STAT1: variants seen among roughly 807,000 people sequenced by gnomAD.
STAT1 encodes the protein signal transducer and activator of transcription 1-alpha/beta.
A neutral mutation model predicts 111.7 loss-of-function variants in STAT1; 24 were observed. The ratio of observed to expected loss-of-function variants is 0.21; its 90% CI spans 0.16 to 0.30. The LOEUF is 0.30. Ranked by LOEUF, STAT1 falls within the 10% of genes least tolerant of loss-of-function variation. The pLI is 1.00. For synonymous variants in STAT1, 332 were observed against 326.5 expected (o/e 1.02, Z -0.18); for missense variants, 351 against 911.9 (o/e 0.38, Z 7.92).
Position 191,000,008 on chromosome 2 carries a change from G to C in STAT1, c.463-304C>G, listed in dbSNP as rs1694148672. 6.6e-6 allele frequency among the ~76,000 whole-genome samples: 1 copy of C among 152,214 alleles called. No individual in the cohort carries two copies. Among genetic ancestry groups the C allele is most frequent in the South Asian group, 2.1e-4 (1 of 4,834 alleles). Reference sequence around the variant, plus strand: ...TCATCATTTTTGAGACTACCTCTGAGATATGATTTAAGAACTCCACTGTGA... The same window carrying C: ...TCATCATTTTTGAGACTACCTCTGACATATGATTTAAGAACTCCACTGTGA... On this transcript the variant is annotated intron_variant, in intron 6 of 24. Transcript: ENST00000361099. The surrounding 1 kb of genome is among the most constrained non-coding windows in gnomAD (Gnocchi z 4.8).
At position 190,993,084 on chromosome 2, in the gene STAT1, C is replaced by T. The variant is rs534662179; in HGVS notation, c.945-1764G>A. 50 of 376,298 alleles carry T rather than the reference C, an allele frequency of 1.3e-4. No individual in the cohort carries two copies. Among genetic ancestry groups the T allele is most frequent in the African/African-American group, 1.0e-3 (47 of 47,042 alleles). The allele number at this position is 376,298 out of a possible 1,614,324, so 23.3% of individuals were successfully genotyped here. A position where few individuals can be genotyped will look rare whatever the true frequency, so the allele number is the denominator to read the frequency against. ...GGATTACAGGCATGAGCCACCGTGC[C>T]GGGCCTTGTTGCATTCCTAGCACTA... is the stretch of plus-strand genomic sequence containing the variant. On this transcript the variant is annotated intron_variant, in intron 10 of 24. Coordinates refer to ENST00000361099, the MANE Select transcript of STAT1 (RefSeq NM_007315.4). The surrounding 1 kb of genome is among the most constrained non-coding windows in gnomAD (Gnocchi z 4.1).
intron 5 of STAT1, among the ~76,000 whole-genome samples, chr2:191,002,435 T>G (rs1375155977): frequency 2.0e-5 from 3 of 152,222 alleles, no homozygotes; most frequent in African/African-American, 7.2e-5. Context: ...ATAGTCTGTC[T>G]AGTAGGGCCA....
intron 15 of STAT1, among the ~76,000 whole-genome samples, chr2:190,985,061 G>A (rs893328657): frequency 8.5e-5 from 13 of 152,218 alleles, no homozygotes; most frequent in African/African-American, 2.9e-4. Context: ...CACTGTGTGT[G>A]CATAAATGAC....
rs1691936008 is a variant in STAT1 at position 190,976,761 on chromosome 2, A to G, written c.2059+79T>C. 1.6e-6 allele frequency: 2 copies of G among 1,278,888 alleles called. No individual in the cohort carries two copies. Among genetic ancestry groups the G allele is most frequent in the African/African-American group, 1.5e-5 (1 of 68,248 alleles). The allele number at this position is 1,278,888 out of a possible 1,614,324, so 79.2% of individuals were successfully genotyped here. On this transcript the variant is annotated intron_variant, in intron 22 of 24. Transcript: ENST00000361099. The surrounding 1 kb of genome is among the most constrained non-coding windows in gnomAD (Gnocchi z 6.0). ...TACCAATTCGAAAGCAAAACACTGC[A>G]TGGGTGGAGTTTCAGAATAATCACC...
Position 190,982,399 on chromosome 2 carries a change from C to T in STAT1, c.1566G>A (p.Leu522=). 1 of 1,614,156 alleles carries T rather than the reference C, an allele frequency of 6.2e-7. No individual in the cohort carries two copies. Among genetic ancestry groups the T allele is most frequent in the Non-Finnish European group, 8.5e-7 (1 of 1,180,016 alleles). Residue 522 remains leucine (L), a synonymous_variant, in exon 18 of 25, where the codon TTG becomes TTA. Transcript: ENST00000361099. This position sits in a 1 kb window ranked among gnomAD's most constrained non-coding sequence, Gnocchi z 7.3. ...RGLNVDQLNM[L]GEKLLGPNAS... ...TGCATATACCAAGAAGCTTCTCTCC[C>T]AACATGTTCAGCTGGTCCACATTGA...
Position 190,979,985 on chromosome 2 carries a change from A to G in STAT1, c.1633-119T>C. On this transcript the variant is annotated intron_variant, in intron 19 of 24. Coordinates refer to ENST00000361099, the MANE Select transcript of STAT1 (RefSeq NM_007315.4). The surrounding 1 kb of genome is among the most constrained non-coding windows in gnomAD (Gnocchi z 5.8). ...TGCCAAGGATGGAACTGTCCCATTC[A>G]GCACAGCAATGGGATCCCTCCCCTG... 1.4e-6 allele frequency: 1 copy of G among 721,604 alleles called. No individual in the cohort carries two copies. The highest frequency in any genetic ancestry group is 2.5e-6 in the Non-Finnish European group (1 of 405,570). The allele number at this position is 721,604 out of a possible 1,614,324, so 44.7% of individuals were successfully genotyped here.
At chr2:190,985,488 C>T in intron 15 of STAT1, 131 bp downstream of exon 15, 1 of 881,356 alleles carries the variant, frequency 1.1e-6, no homozygotes. Flanking sequence ...TACCAAATAC[C>T]CAGCTCCTTT....
rs183509101 is a variant in STAT1, at chr2:190,977,964, C to G, written c.1873+892G>C. Among the ~76,000 whole-genome samples, 30 of 150,500 alleles carry G rather than the reference C, an allele frequency of 2.0e-4. No individual in the cohort carries two copies. Among genetic ancestry groups the G allele is most frequent in the African/African-American group, 7.3e-4 (30 of 40,948 alleles). ...GAGTATTCCTGAAAAATAAACAGAA[C>G]AAGAAAGAATACCGTTCCAGAAAAA... On this transcript the variant is annotated intron_variant, in intron 21 of 24. Coordinates refer to ENST00000361099, the MANE Select transcript of STAT1 (RefSeq NM_007315.4). This position sits in a 1 kb window ranked among gnomAD's most constrained non-coding sequence, Gnocchi z 4.7.
rs45456493 is a variant in STAT1, at chr2:191,012,138, C to T, written c.-2+1387G>A. On this transcript the variant is annotated intron_variant, in intron 2 of 24. Coordinates refer to ENST00000361099, the MANE Select transcript of STAT1 (RefSeq NM_007315.4). The surrounding 1 kb of genome is among the most constrained non-coding windows in gnomAD (Gnocchi z 4.0). ...ATTAATAAGCTCATGTTTGGGCTGGCCAGGTGGCTCACGCCTGTAATCCCA... is the reference window on the plus strand; with the variant it reads ...ATTAATAAGCTCATGTTTGGGCTGGTCAGGTGGCTCACGCCTGTAATCCCA... 3.2e-3 allele frequency among the ~76,000 whole-genome samples: 481 copies of T among 151,926 alleles called. 7 individuals are homozygous for T. In the Middle Eastern group the frequency reaches 0.037, roughly 12 times the overall value.
chr2:190,981,250 T>C lies in STAT1; in HGVS notation c.1583-581A>G, dbSNP rs1692367386. On this transcript the variant is annotated intron_variant, in intron 18 of 24. Transcript: ENST00000361099. The surrounding 1 kb of genome is among the most constrained non-coding windows in gnomAD (Gnocchi z 4.1). ...AATTTTTTTCAAAGTTCAACCTAGGTGCCCAAGATCACCCCTAGATCTTCA... is the reference window on the plus strand; with the variant it reads ...AATTTTTTTCAAAGTTCAACCTAGGCGCCCAAGATCACCCCTAGATCTTCA... 6.6e-6 allele frequency among the ~76,000 whole-genome samples: 1 copy of C among 152,212 alleles called. No homozygotes were observed. The highest frequency in any genetic ancestry group is 1.5e-5 in the Non-Finnish European group (1 of 68,038).
Position 190,993,352 on chromosome 2 carries a change from C to A in STAT1, c.944+1709G>T. 9.5e-7 allele frequency: 1 copy of A among 1,054,522 alleles called. No homozygotes were observed. The highest frequency in any genetic ancestry group is 1.4e-6 in the Non-Finnish European group (1 of 696,384). 65.3% of individuals were successfully genotyped at this position (1,054,522 alleles called of 1,614,324 possible). On this transcript the variant is annotated intron_variant, in intron 10 of 24. Transcript: ENST00000361099. This position sits in a 1 kb window ranked among gnomAD's most constrained non-coding sequence, Gnocchi z 4.1. ...AATAACTGGAGATGACTGTTCGAAA[C>A]CTTTCCTGTTCTGCTGTGTTCCATA...
intron 24 of STAT1, among the ~76,000 whole-genome samples, chr2:190,972,858 GGATT>G (rs774876123): frequency 6.7e-5 from 9 of 133,940 alleles, no homozygotes; most frequent in Non-Finnish European, 1.4e-4. Context: ...TGTGTGAAAT[GGATT>G]TATTTTATTC....
rs1692548811 is a variant in STAT1, at chr2:190,983,529, G to A, written c.1446+113C>T. The A allele has an allele frequency of 2.2e-6, 2 of 903,808 alleles. No homozygotes were observed. Among genetic ancestry groups the A allele is most frequent in the African/African-American group, 1.6e-5 (1 of 61,514 alleles). 56.0% of individuals were successfully genotyped at this position (903,808 alleles called of 1,614,324 possible). A position where few individuals can be genotyped will look rare whatever the true frequency, so the allele number is the denominator to read the frequency against. On this transcript the variant is annotated intron_variant, in intron 17 of 24. Coordinates refer to ENST00000361099, the MANE Select transcript of STAT1 (RefSeq NM_007315.4). The surrounding 1 kb of genome is among the most constrained non-coding windows in gnomAD (Gnocchi z 5.7). ...CAAAAGCCTTAGAAATACCACAGGAGCTTTGTCACTTCTCCCTTAACAACT... is the reference window on the plus strand; with the variant it reads ...CAAAAGCCTTAGAAATACCACAGGAACTTTGTCACTTCTCCCTTAACAACT...
At position 190,973,391 on chromosome 2, in the gene STAT1, T is replaced by C. The variant is rs1184234831; in HGVS notation, c.2238+1439A>G. ...GGCTCTGTTCCCACATCTGTCAAAG[T>C]AGGAATAACAATAACACCTAACTCA... is the stretch of plus-strand genomic sequence containing the variant. On this transcript the variant is annotated intron_variant, in intron 24 of 24. Transcript: ENST00000361099. This position sits in a 1 kb window ranked among gnomAD's most constrained non-coding sequence, Gnocchi z 4.4. Among the ~76,000 whole-genome samples, 1 of 152,160 alleles carries C rather than the reference T, an allele frequency of 6.6e-6. No homozygotes were observed. Among genetic ancestry groups the C allele is most frequent in the Non-Finnish European group, 1.5e-5 (1 of 68,034 alleles).
chr2:191,002,617 T>C (rs1694359021), intron 5 of STAT1, among the ~76,000 whole-genome samples: 1 of 152,226 alleles, frequency 6.6e-6, no homozygotes. Context: ...ATCTTTATGA[T>C]GTTGTTTTTA....
At chr2:191,008,038 T>G in intron 4 of STAT1, 1 of 457,696 alleles carries the variant, frequency 2.2e-6, no homozygotes, top group South Asian at 1.6e-5. Flanking sequence ...ATGCATCTGT[T>G]GGTCTAAGCT....
chr2:191,009,813 C>A, intron 3 of STAT1, 63 bp downstream of exon 3: 2 of 1,600,086 alleles, frequency 1.2e-6, no homozygotes, highest in South Asian at 2.2e-5. Flanking sequence ...GGCCCCAAGT[C>A]ACTTAATCAA....
Position 190,974,769 on chromosome 2 carries a change from T to G in STAT1, c.2238+61A>C. 1.4e-6 allele frequency: 2 copies of G among 1,457,780 alleles called. No individual in the cohort carries two copies. The highest frequency in any genetic ancestry group is 1.9e-6 in the Non-Finnish European group (2 of 1,038,252). 90.3% of individuals were successfully genotyped at this position (1,457,780 alleles called of 1,614,324 possible). The stretch of plus-strand genomic sequence containing the variant: ...AGGCCCGGGATCTGCCATGGTGCGC[T>G]CCCTGCCTCTGAGCACACACACTTA... On this transcript the variant is annotated intron_variant, in intron 24 of 24. Transcript: ENST00000361099. The surrounding 1 kb of genome is among the most constrained non-coding windows in gnomAD (Gnocchi z 4.8).
chr2:190,986,811 T>G lies in STAT1; in HGVS notation c.1221+43A>C, dbSNP rs762924386. 40 of 1,588,502 alleles carry G rather than the reference T, an allele frequency of 2.5e-5. No individual in the cohort carries two copies. Among genetic ancestry groups the G allele is most frequent in the Middle Eastern group, 1.7e-4 (1 of 5,932 alleles). On this transcript the variant is annotated intron_variant, in intron 14 of 24. Coordinates refer to ENST00000361099, the MANE Select transcript of STAT1 (RefSeq NM_007315.4). The surrounding 1 kb of genome is among the most constrained non-coding windows in gnomAD (Gnocchi z 5.0). ...AGGGCTGCTCTATTGTCAAAAGTCC[T>G]AAGAAACCAGAGACAACATAGAGAG... is the stretch of plus-strand genomic sequence containing the variant.
Sources: allele counts gnomAD v4.1 joint callset (sites outside exome capture counted in the v4.1 genomes callset), GRCh38; gene constraint gnomAD v4.1.1; non-coding constraint Gnocchi (gnomAD v3.1); transcripts MANE v1.5; gene names NCBI Gene and HGNC (gene_info 2026-07-23, HGNC 2026-07-21).